The following CDH18 variants were observed in gnomAD, a reference collection of about 807,000 sequenced individuals.
The protein encoded by CDH18 is cadherin-18.
A neutral mutation model predicts 67.9 loss-of-function variants in CDH18; 31 were observed. The ratio of observed to expected loss-of-function variants is 0.46; its 90% confidence interval spans 0.34 to 0.62. CDH18 has a LOEUF of 0.62. CDH18 is among the 20% of genes least tolerant of loss of function. CDH18 has a pLI of 0.01. For missense variants in CDH18, 890 were observed against 975.5 expected (o/e 0.91, Z 1.17); for synonymous variants, 362 against 347.2 (o/e 1.04, Z -0.48).
At chr5:19,582,171 CAT>C (rs1250503775) in intron 7 of CDH18, among the ~76,000 whole-genome samples, 3 of 151,788 alleles carry the variant, frequency 2.0e-5, no homozygotes, top group Non-Finnish European at 4.4e-5. Flanking sequence ...TACACAAGCT[CAT>C]ATGTGTGTAT....
chr5:20,566,030 T>A (rs1371784442), intron 1 of CDH18, among the ~76,000 whole-genome samples: 2 of 152,136 alleles, frequency 1.3e-5, no homozygotes, highest in African/African-American at 2.4e-5. Flanking sequence ...CTTGCAAATA[T>A]TTTGAAGTGC....
At chr5:19,729,278 T>C (rs1023926081) in intron 4 of CDH18, among the ~76,000 whole-genome samples, 1 of 152,208 alleles carries the variant, frequency 6.6e-6, no homozygotes, top group African/African-American at 2.4e-5. Flanking sequence ...GCCATTGAAT[T>C]TAATAAAATA....
intron 8 of CDH18, among the ~76,000 whole-genome samples, chr5:19,556,508 C>T (rs1738448703): frequency 6.6e-6 from 1 of 150,850 alleles, no homozygotes; most frequent in Admixed American, 6.6e-5. Context: ...TGGAATTGAA[C>T]AAATAGAAGA....
chr5:19,551,459 CT>C (rs1233531886), intron 8 of CDH18, among the ~76,000 whole-genome samples: 1 of 152,102 alleles, frequency 6.6e-6, no homozygotes, highest in Non-Finnish European at 1.5e-5. Context: ...AGCTGTATCA[CT>C]TAGCATTGTG....
At chr5:19,591,603 C>T (rs973411718) in intron 6 of CDH18, among the ~76,000 whole-genome samples, 2 of 151,868 alleles carry the variant, frequency 1.3e-5, no homozygotes, top group Admixed American at 6.6e-5. Flanking sequence ...TATTCTTCCA[C>T]CCATCGTAAA....
intron 1 of CDH18, among the ~76,000 whole-genome samples, chr5:20,360,555 A>G (rs1043789122): frequency 4.5e-4 from 69 of 152,310 alleles, no homozygotes; most frequent in Non-Finnish European, 2.4e-4. Flanking sequence ...AAGACACAGC[A>G]TATAATGCCT....
chr5:20,149,106 C>T lies in CDH18; in HGVS notation c.-518+106338G>A, dbSNP rs570021510. ...ATGACCTCTTCTTCTCAAAGGATTCCCTCCATTCTCTTGCTTCAACTATAT... is the reference window on the plus strand; with the variant it reads ...ATGACCTCTTCTTCTCAAAGGATTCTCTCCATTCTCTTGCTTCAACTATAT... On this transcript the variant is annotated intron_variant, in intron 2 of 14. Transcript: ENST00000507958. 2.0e-5 allele frequency among the ~76,000 whole-genome samples: 3 copies of T among 152,214 alleles called. No homozygotes were observed. In the South Asian group the frequency reaches 6.2e-4, roughly 32 times the overall value.
intron 2 of CDH18, among the ~76,000 whole-genome samples, chr5:19,848,817 C>CTA (rs1165441958): frequency 6.7e-6 from 1 of 149,514 alleles, no homozygotes; most frequent in Non-Finnish European, 1.5e-5. Context: ...ATATAAAATG[C>CTA]TATATATATA....
chr5:20,225,701 G>A (rs539937841), intron 2 of CDH18, among the ~76,000 whole-genome samples: 2 of 152,182 alleles, frequency 1.3e-5, no homozygotes, highest in East Asian at 1.9e-4. Context: ...GTCAAGTACA[G>A]GAGAGCAAGT....
chr5:20,175,836 G>A (rs1737189100), intron 2 of CDH18, among the ~76,000 whole-genome samples: 1 of 152,016 alleles, frequency 6.6e-6, no homozygotes, highest in South Asian at 2.1e-4. Flanking sequence ...GGGTGGGTCT[G>A]CCTTTCCCAG....
chr5:20,149,267 A>C (rs1257454397), intron 2 of CDH18, among the ~76,000 whole-genome samples: 1 of 152,192 alleles, frequency 6.6e-6, no homozygotes, highest in Non-Finnish European at 1.5e-5. Flanking sequence ...ATATAAATAC[A>C]GTTCTCAATG....
intron 2 of CDH18, among the ~76,000 whole-genome samples, chr5:20,032,990 A>G (rs562651916): frequency 6.6e-6 from 1 of 152,094 alleles, no homozygotes; most frequent in South Asian, 2.1e-4. Flanking sequence ...TTTGGAAAGT[A>G]CCAATGTTGA....
rs930369350 is a variant in CDH18 at position 19,471,698 on chromosome 5, C to T, written c.*1528G>A. ...AAACAATTTGAAAAAAAAAGCCCCACCCAAATTCTCAGAAATTAGCTTATG... is the reference window on the plus strand; with the variant it reads ...AAACAATTTGAAAAAAAAAGCCCCATCCAAATTCTCAGAAATTAGCTTATG... On this transcript the variant is annotated 3_prime_UTR_variant, in exon 13 of 13. Transcript: ENST00000382275. 6.6e-6 allele frequency among the ~76,000 whole-genome samples: 1 copy of T among 151,816 alleles called. No individual in the cohort carries two copies. Among genetic ancestry groups the T allele is most frequent in the Non-Finnish European group, 1.5e-5 (1 of 67,952 alleles).
chr5:20,212,320 G>A (rs891504593), intron 2 of CDH18, among the ~76,000 whole-genome samples: 3 of 152,140 alleles, frequency 2.0e-5, no homozygotes, highest in African/African-American at 7.2e-5. Context: ...ACCTGAAAGT[G>A]ATGGGGAGAA....
intron 10 of CDH18, among the ~76,000 whole-genome samples, chr5:19,505,449 T>C (rs1743965795): frequency 6.6e-6 from 1 of 152,162 alleles, no homozygotes; most frequent in African/African-American, 2.4e-5. Flanking sequence ...AGATTGGCTG[T>C]GGGTTTGTCA....
At chr5:20,326,570 G>T (rs56836596) in intron 1 of CDH18, among the ~76,000 whole-genome samples, 2,350 of 139,552 alleles carry the variant, frequency 0.017, 75 homozygotes, top group African/African-American at 0.059. Context: ...ATGGAGTCTC[G>T]CTCTGTCGCC....
intron 2 of CDH18, among the ~76,000 whole-genome samples, chr5:19,887,732 T>G (rs528760255): frequency 4.0e-5 from 6 of 151,504 alleles, no homozygotes; most frequent in East Asian, 3.9e-4. Flanking sequence ...ACCATGTGTT[T>G]TTTTTTTTTT....
intron 1 of CDH18, among the ~76,000 whole-genome samples, chr5:20,385,578 A>G (rs567587929): frequency 6.6e-6 from 1 of 152,282 alleles, no homozygotes; most frequent in African/African-American, 2.4e-5. Context: ...CAGATGGGAA[A>G]ACGTTATGGC....
chr5:19,626,697 A>G (rs78259372), intron 5 of CDH18, among the ~76,000 whole-genome samples: 1 of 119,810 alleles, frequency 8.3e-6, no homozygotes, highest in Non-Finnish European at 1.6e-5. Flanking sequence ...CAGATTAGTG[A>G]AAAAAAAAAA....
Sources: gnomAD v4.1 joint callset for allele counts (sites outside exome capture counted in the v4.1 genomes callset) on GRCh38, gnomAD v4.1.1 for gene constraint, MANE v1.5 for transcripts, NCBI Gene and HGNC (gene_info 2026-07-23, HGNC 2026-07-21) for gene names.